Variants in ZIM2 observed in about 807,000 individuals in gnomAD.
The protein encoded by ZIM2 is zinc finger imprinted 2.
A neutral mutation model predicts 38.6 loss-of-function variants in ZIM2; 14 were observed. That is an observed-to-expected ratio of 0.36 (90% CI 0.24 to 0.57). The LOEUF (loss-of-function observed/expected upper bound fraction) is 0.57, where lower values mean the gene tolerates loss of function less well. Among genes scored for constraint, ZIM2 ranks in the 20% least tolerant of loss-of-function variants. ZIM2 has a pLI of 0.81. For missense variants in ZIM2, 680 were observed against 695.1 expected (o/e 0.98, Z 0.24); for synonymous variants, 247 against 245.8 (o/e 1.00, Z -0.04).
intron 1 of ZIM2, among the ~76,000 whole-genome samples, chr19:56,837,760 C>T (rs1295659172): frequency 6.6e-6 from 1 of 152,244 alleles, no homozygotes; most frequent in Non-Finnish European, 1.5e-5. Flanking sequence ...ACCTTGAAAT[C>T]CCCTCAGCCC....
In ZIM2 at chr19:56,817,849, G is replaced by A; in HGVS notation, c.398-11C>T. 1 of 1,609,738 alleles carries A rather than the reference G, an allele frequency of 6.2e-7. No individual in the cohort carries two copies. Among genetic ancestry groups the A allele is most frequent in the Non-Finnish European group, 8.5e-7 (1 of 1,176,580 alleles). On this transcript the variant is annotated splice_polypyrimidine_tract_variant and intron_variant, in intron 8 of 12. Transcript: ENST00000629319. ...CAGCAAGCTGCACTCCTGGTCACAAGGACAATATGATGCCTCAAATTCAAG... is the reference window on the plus strand; with the variant it reads ...CAGCAAGCTGCACTCCTGGTCACAAAGACAATATGATGCCTCAAATTCAAG...
intron 7 of ZIM2, among the ~76,000 whole-genome samples, chr19:56,819,282 G>A (rs2060259870): frequency 1.3e-5 from 2 of 152,222 alleles, no homozygotes; most frequent in Admixed American, 1.3e-4. Context: ...TGGCTACATT[G>A]AGGGAGTCTC....
rs757945902 is a variant in ZIM2, at chr19:56,822,777, A to C, written c.166T>G (p.Ser56Ala). Residue 56 changes from serine to alanine, a missense_variant, in exon 6 of 13, where the codon TCC becomes GCC. Transcript: ENST00000629319. The stretch of plus-strand genomic sequence containing the variant: ...CTGCTTCTTGGGTTCCTGGTGTGGG[A>C]CCAGCGGTCTCGTGGCTCCATGTCT... The part of the protein sequence containing the change: ...SRDMEPRDRW[S>A]HTRNPRSRMP... The C allele has an allele frequency of 4.3e-6, 7 of 1,613,984 alleles. No individual in the cohort carries two copies. In the African/African-American group the frequency reaches 9.3e-5, roughly 22 times the overall value.
At chr19:56,835,457 C>T (rs1206697851) in intron 2 of ZIM2, among the ~76,000 whole-genome samples, 1 of 152,174 alleles carries the variant, frequency 6.6e-6, no homozygotes, top group Non-Finnish European at 1.5e-5. Context: ...GACTACTCTC[C>T]CCATGACACA....
intron 9 of ZIM2, chr19:56,811,270 G>A (rs2059523929): frequency 1.1e-6 from 1 of 933,930 alleles, no homozygotes; most frequent in Admixed American, 6.2e-5. Flanking sequence ...CACCACAACA[G>A]CTTTTGACTA....
intron 3 of ZIM2, among the ~76,000 whole-genome samples, chr19:56,825,922 T>G (rs1216968625): frequency 6.6e-6 from 1 of 152,198 alleles, no homozygotes; most frequent in Non-Finnish European, 1.5e-5. Flanking sequence ...AACTCATGTT[T>G]ACTCGTCTCA....
chr19:56,810,930 G>T, intron 9 of ZIM2: 1 of 967,202 alleles, frequency 1.0e-6, no homozygotes, highest in Non-Finnish European at 1.2e-6. Flanking sequence ...TTATTATAGG[G>T]AACATTTGAA....
At chr19:56,813,343 T>TA (rs1600870130) in intron 9 of ZIM2, 2 of 1,074,850 alleles carry the variant, frequency 1.9e-6, no homozygotes, top group East Asian at 1.2e-4. Context: ...AAACACTATA[T>TA]ATACGTTACA....
In ZIM2 at chr19:56,774,845, C is replaced by T; in HGVS notation, c.1520G>A (p.Ser507Asn). ...ATGCTGAATGAGATATGAATTCCGA[C>T]TGAAGACTCTGCCACAGTCACAACA... Reference protein sequence around the residue: ...CQCCDCGRVFSRNSYLIQHYR... With the variant: ...CQCCDCGRVFNRNSYLIQHYR... Residue 507 changes from serine (S) to asparagine (N), a missense_variant, in exon 13 of 13, where the codon AGT becomes AAT. Ser to Asn is a conservative substitution (Grantham distance 46). Transcript: ENST00000629319. The T allele has an allele frequency of 6.2e-7, 1 of 1,614,150 alleles. No individual in the cohort carries two copies. Among genetic ancestry groups the T allele is most frequent in the East Asian group, 2.2e-5 (1 of 44,874 alleles).
intron 8 of ZIM2, 25 bp from the exon 9 acceptor site, chr19:56,817,863 C>T (rs2060124626): frequency 1.9e-6 from 3 of 1,590,834 alleles, no homozygotes; most frequent in African/African-American, 1.3e-5. Context: ...AATATGATGC[C>T]TCAAATTCAA....
chr19:56,795,579 A>C (rs910921109), intron 9 of ZIM2, among the ~76,000 whole-genome samples: 34 of 152,206 alleles, frequency 2.2e-4, no homozygotes, highest in African/African-American at 8.2e-4. Flanking sequence ...GGGCTGAGGA[A>C]CCACAGCCGC....
At position 56,779,410 on chromosome 19, in the gene ZIM2, C is replaced by T. The variant is rs375870865; in HGVS notation, c.802G>A (p.Glu268Lys). The change falls in exon 12 of 13, where the codon GAG (glutamate) becomes AAG (lysine). Residue 268 changes from glutamate (E) to lysine (K), a missense_variant. By Grantham distance (56) the Glu-to-Lys change is moderately conservative. Transcript: ENST00000629319. ...ATCACTGTATGTCTGCTGTCTGTCT[C>T]CATTGCATATGATTCCTCCTCTTCC... ...RLEEEESYAM[E>K]TDSRHTVICQ... is the part of the protein sequence containing the mutation. 6.8e-6 allele frequency: 11 copies of T among 1,613,818 alleles called. No individual in the cohort carries two copies. In the African/African-American group the frequency reaches 1.5e-4, roughly 22 times the overall value.
At chr19:56,815,999 G>A (rs2059943033) in intron 9 of ZIM2, 2 of 1,587,942 alleles carry the variant, frequency 1.3e-6, no homozygotes, top group South Asian at 1.2e-5. Flanking sequence ...ACTCTCTGAT[G>A]GTTGATAGCA....
intron 9 of ZIM2, among the ~76,000 whole-genome samples, chr19:56,795,738 G>A (rs2047183126): frequency 6.6e-6 from 1 of 152,150 alleles, no homozygotes; most frequent in Admixed American, 6.5e-5. Flanking sequence ...CTACTCGAGA[G>A]GCTGAGGCAG....
chr19:56,783,768 T>G (rs764442449), intron 10 of ZIM2, among the ~76,000 whole-genome samples: 17 of 152,172 alleles, frequency 1.1e-4, no homozygotes, highest in Non-Finnish European at 1.6e-4. Flanking sequence ...ATGCTCCAAA[T>G]CTTAGCATTG....
intron 2 of ZIM2, among the ~76,000 whole-genome samples, chr19:56,832,304 T>C (rs541353957): frequency 6.6e-6 from 1 of 152,262 alleles, no homozygotes; most frequent in Admixed American, 6.5e-5. Context: ...ACAATCTCCC[T>C]CTGACCCTTA....
At chr19:56,811,107 T>C (rs2146077056) in intron 9 of ZIM2, 8 of 984,780 alleles carry the variant, frequency 8.1e-6, no homozygotes, top group African/African-American at 1.7e-5. Flanking sequence ...TGATTTTTTT[T>C]CCTCCACTTT....
At chr19:56,816,095 C>T in intron 9 of ZIM2, 1 of 1,609,120 alleles carries the variant, frequency 6.2e-7, no homozygotes, top group Non-Finnish European at 8.5e-7. Flanking sequence ...TCCACAGAGG[C>T]TAAGCTATGA....
chr19:56,784,035 C>T lies in ZIM2; in HGVS notation c.571-1914G>A, dbSNP rs796658267. 6.2e-4 allele frequency among the ~76,000 whole-genome samples: 95 copies of T among 152,222 alleles called. 1 individual carries two copies. Among genetic ancestry groups the T allele is most frequent in the African/African-American group, 2.2e-3 (90 of 41,558 alleles). On this transcript the variant is annotated intron_variant, in intron 10 of 12. Coordinates refer to ENST00000629319, the MANE Select transcript of ZIM2 (RefSeq NM_001387356.1). ...AAATTGAAAATTAAAACTTACTAGC[C>T]ATTTTGCTCAAAATGTTGTAGCAGT...
Sources: allele counts gnomAD v4.1 joint callset (sites outside exome capture counted in the v4.1 genomes callset), GRCh38; gene constraint gnomAD v4.1.1; transcripts MANE v1.5; gene names NCBI Gene and HGNC (gene_info 2026-07-23, HGNC 2026-07-21).